Variants in DAGLB observed in about 807,000 individuals in gnomAD.
DAGLB encodes the protein diacylglycerol lipase-beta.
DAGLB carries 66 observed loss-of-function variants against 72.1 expected under a neutral mutation model. The ratio of observed to expected loss-of-function variants is 0.92; its 90% CI spans 0.75 to 1.12. DAGLB has a LOEUF of 1.12. DAGLB is among the 50% of genes most tolerant of loss of function. DAGLB has a pLI of 0.00. For synonymous variants in DAGLB, 414 were observed against 359.5 expected, an observed-to-expected ratio of 1.15 and a Z score of -1.71; for missense variants, 1,065 against 884.9, an observed-to-expected ratio of 1.20 and a Z score of -2.58.
At chr7:6,417,704 C>A (rs934753791) in intron 9 of DAGLB, 3 of 151,968 alleles carry the variant, frequency 2.0e-5, no homozygotes, top group African/African-American at 4.8e-5. Flanking sequence ...CATAGCAAGA[C>A]CCCATTTCTC....
intron 6 of DAGLB, among the ~76,000 whole-genome samples, chr7:6,429,562 G>C (rs541613719): frequency 1.3e-5 from 2 of 151,932 alleles, no homozygotes; most frequent in Non-Finnish European, 2.9e-5. Context: ...AGGAGTTTGA[G>C]ACCAGCCCGG....
chr7:6,416,091 A>AT (rs1783904636), intron 11 of DAGLB, among the ~76,000 whole-genome samples: 1 of 152,102 alleles, frequency 6.6e-6, no homozygotes, highest in Admixed American at 6.6e-5. Flanking sequence ...GATCCCTACA[A>AT]TCTGCTGCTC....
chr7:6,418,186 A>C (rs1023088961), intron 9 of DAGLB, among the ~76,000 whole-genome samples: 1 of 152,022 alleles, frequency 6.6e-6, no homozygotes, highest in Non-Finnish European at 1.5e-5. Flanking sequence ...AAAATTTTCT[A>C]ACATATACAT....
At chr7:6,410,888 T>TG (rs1362529696) in intron 13 of DAGLB, among the ~76,000 whole-genome samples, 1 of 144,514 alleles carries the variant, frequency 6.9e-6, no homozygotes, top group East Asian at 2.0e-4. Flanking sequence ...GTATTTTTTT[T>TG]TTTTTTTTTT....
At chr7:6,447,059 A>C (rs1474120783) in intron 1 of DAGLB, among the ~76,000 whole-genome samples, 1 of 152,166 alleles carries the variant, frequency 6.6e-6, no homozygotes, top group Non-Finnish European at 1.5e-5. Context: ...GGTTGGTCTC[A>C]AACTCCTGCC....
intron 11 of DAGLB, among the ~76,000 whole-genome samples, chr7:6,413,713 C>T (rs1297356388): frequency 1.3e-5 from 2 of 152,158 alleles, no homozygotes; most frequent in East Asian, 1.9e-4. Context: ...GAACCTGCAC[C>T]GGCAGAGGCT....
intron 1 of DAGLB, among the ~76,000 whole-genome samples, chr7:6,446,408 G>A (rs955969485): frequency 1.4e-5 from 2 of 145,040 alleles, no homozygotes; most frequent in African/African-American, 2.5e-5. Context: ...AACCTGGGAC[G>A]TGGAGGTGGC....
rs1264293298 is a variant in DAGLB at position 6,412,833 on chromosome 7, A to G, written c.1547T>C (p.Val516Ala). The change falls in exon 13 of 15, where the codon GTC (valine) becomes GCC (alanine). Residue 516 changes from valine (V) to alanine (A), a missense_variant. By Grantham distance (64) the Val-to-Ala change is moderately conservative. Coordinates refer to ENST00000297056, the MANE Select transcript of DAGLB (RefSeq NM_139179.4). ...TACCTTGGGTTTATTGCAGTGCGCG[A>G]CCACTCGCAAGATTCTTCTCTTCAG... ...EDLKRRILRV[V>A]AHCNKPKYKI... The G allele has an allele frequency of 1.3e-6, 2 of 1,596,646 alleles. No homozygotes were observed. The highest frequency in any genetic ancestry group is 2.2e-5 in the East Asian group (1 of 44,624).
rs1784932038 is a variant in DAGLB, at chr7:6,444,408, C to T, written c.247+1545G>A. 2.6e-5 allele frequency among the ~76,000 whole-genome samples: 4 copies of T among 152,192 alleles called. No individual in the cohort carries two copies. The South Asian group carries it at 8.3e-4, about 32-fold the overall frequency. On this transcript the variant is annotated intron_variant, in intron 2 of 14. Transcript: ENST00000297056. ...CGTGAGGTCAGGAGATCGAGACAAG[C>T]CTGACCAACATGGTAAAACCGCATC...
intron 6 of DAGLB, among the ~76,000 whole-genome samples, chr7:6,428,811 A>G (rs1366269509): frequency 6.6e-6 from 1 of 151,344 alleles, no homozygotes; most frequent in East Asian, 1.9e-4. Context: ...ATATTTATTT[A>G]ATTTATTTTT....
At chr7:6,446,357 A>C (rs1443302265) in intron 1 of DAGLB, among the ~76,000 whole-genome samples, 1 of 150,686 alleles carries the variant, frequency 6.6e-6, no homozygotes, top group African/African-American at 2.4e-5. Flanking sequence ...GCGCACCTGT[A>C]GTCCCAGCTA....
chr7:6,422,723 G>A (rs1784172324), intron 8 of DAGLB: 1 of 152,622 alleles, frequency 6.6e-6, no homozygotes, highest in East Asian at 1.9e-4. Context: ...ATAGACACTG[G>A]GGCTACTAGA....
At chr7:6,412,769 G>A in intron 13 of DAGLB, 42 bp downstream of exon 13, 1 of 1,553,488 alleles carries the variant, frequency 6.4e-7, no homozygotes, top group Non-Finnish European at 8.7e-7. Flanking sequence ...TCAGGGACAG[G>A]CCCCGTGTCC....
At chr7:6,444,402 G>C (rs1354585101) in intron 2 of DAGLB, among the ~76,000 whole-genome samples, 3 of 152,144 alleles carry the variant, frequency 2.0e-5, no homozygotes, top group African/African-American at 7.2e-5. Context: ...AGGAGATCGA[G>C]ACAAGCCTGA....
chr7:6,446,146 A>G (rs757675086), intron 1 of DAGLB, 42 bp from the exon 2 acceptor site: 13 of 1,575,866 alleles, frequency 8.2e-6, no homozygotes, highest in South Asian at 3.5e-5. Context: ...ATGAAATCCA[A>G]GGAGCTGCTG....
At chr7:6,414,311 ATTTT>A (rs532628215) in intron 11 of DAGLB, among the ~76,000 whole-genome samples, 4 of 135,852 alleles carry the variant, frequency 2.9e-5, no homozygotes, top group South Asian at 2.4e-4. Flanking sequence ...CACCCGGCCA[ATTTT>A]TTTTTTTTTT....
At position 6,445,955 on chromosome 7, in the gene DAGLB, C is replaced by G. The variant is rs192472079; in HGVS notation, c.245G>C (p.Arg82Thr). Residue 82 changes from arginine to threonine, a missense_variant and splice_region_variant, in exon 2 of 15, where the codon AGA becomes ACA. Coordinates refer to ENST00000297056, the MANE Select transcript of DAGLB (RefSeq NM_139179.4). The stretch of plus-strand genomic sequence containing the variant: ...AAATAGAAAAGGCTACTTTTTACCT[C>G]TCATGCTGACACACATGATGGCTGA... ...TVSAIMCVSM[R>T]GTICNPGPRK... 6.3e-7 allele frequency: 1 copy of G among 1,591,432 alleles called. No homozygotes were observed. Among genetic ancestry groups the G allele is most frequent in the Non-Finnish European group, 8.5e-7 (1 of 1,172,424 alleles).
chr7:6,441,796 C>G (rs1188052616), intron 2 of DAGLB, among the ~76,000 whole-genome samples: 2 of 152,142 alleles, frequency 1.3e-5, no homozygotes, highest in African/African-American at 2.4e-5. Context: ...TTATAAAATA[C>G]TGTTTTCAGT....
chr7:6,424,860 G>A lies in DAGLB; in HGVS notation c.1057-25C>T, dbSNP rs775007885. The A allele has an allele frequency of 1.9e-6, 3 of 1,611,302 alleles. No homozygotes were observed. The Admixed American group carries it at 5.0e-5, about 27-fold the overall frequency. ...CCTGCAGGAGCAAGAAACAAGCATG[G>A]GGCCTAAACAGTGAACACACGCACC... On this transcript the variant is annotated intron_variant, in intron 7 of 14. Coordinates refer to ENST00000297056, the MANE Select transcript of DAGLB (RefSeq NM_139179.4).
Sources: allele counts gnomAD v4.1 joint callset (sites outside exome capture counted in the v4.1 genomes callset), GRCh38; gene constraint gnomAD v4.1.1; transcripts MANE v1.5; gene names NCBI Gene and HGNC (gene_info 2026-07-23, HGNC 2026-07-21).